Variants in WIPF3 observed in about 807,000 individuals in gnomAD.
The protein encoded by WIPF3 is WAS/WASL-interacting protein family member 3.
Under a neutral mutation model 38.9 loss-of-function variants are expected in WIPF3, and 33 were observed. The observed-to-expected ratio is 0.85, with a 90% confidence interval of 0.64 to 1.14. The LOEUF (loss-of-function observed/expected upper bound fraction) is 1.14. WIPF3 is among the 50% of genes most tolerant of loss of function. The pLI, the probability that WIPF3 is intolerant of heterozygous loss-of-function variation, is 0.00. For synonymous variants in WIPF3, 324 were observed against 269.3 expected, an observed-to-expected ratio of 1.20 and a Z score of -1.99; for missense variants, 711 against 652.5, an observed-to-expected ratio of 1.09 and a Z score of -0.98.
intron 1 of WIPF3, among the ~76,000 whole-genome samples, chr7:29,822,073 T>C (rs923690723): frequency 1.3e-5 from 2 of 151,842 alleles, no homozygotes; most frequent in African/African-American, 4.8e-5. Flanking sequence ...TAATAAATGT[T>C]CTTTACTTAT....
At chr7:29,816,154 T>C (rs541081488) in intron 1 of WIPF3, among the ~76,000 whole-genome samples, 4 of 152,366 alleles carry the variant, frequency 2.6e-5, no homozygotes, top group African/African-American at 9.6e-5. Context: ...TCCTGAACTT[T>C]TGCTTATTAA....
At position 29,889,409 on chromosome 7, in the gene WIPF3, T is replaced by C; in HGVS notation, c.1351+2T>C. 1.2e-6 allele frequency: 2 copies of C among 1,612,332 alleles called. No individual in the cohort carries two copies. Among genetic ancestry groups the C allele is most frequent in the Non-Finnish European group, 1.7e-6 (2 of 1,178,440 alleles). On this transcript the variant is annotated splice_donor_variant, in intron 7 of 8. Transcript: ENST00000242140. LOFTEE classifies it high-confidence loss of function. ...TTTACCCCAGCAAGATCCCCAGAAG[T>C]AAGTACCACCTTGATAAGACTCCTG...
intron 4 of WIPF3, among the ~76,000 whole-genome samples, chr7:29,881,395 A>T (rs189116853): frequency 2.2e-4 from 34 of 152,304 alleles, no homozygotes; most frequent in Admixed American, 2.0e-3. Flanking sequence ...GCATGTGTGA[A>T]TGGTAGTGTG....
chr7:29,830,619 CAAAA>C (rs56261573), intron 1 of WIPF3, among the ~76,000 whole-genome samples: 5 of 100,846 alleles, frequency 5.0e-5, no homozygotes, highest in Non-Finnish European at 6.2e-5. Flanking sequence ...GACTCTGTCT[CAAAA>C]AAAAAAAAAA....
At chr7:29,831,424 A>G (rs4722950) in intron 1 of WIPF3, among the ~76,000 whole-genome samples, 36,368 of 152,126 alleles carry the variant, frequency 0.24, 5,180 homozygotes, top group East Asian at 0.38. Flanking sequence ...CTTTACAGAT[A>G]CACCCAGAAA....
Position 29,884,328 on chromosome 7 carries a change from G to A in WIPF3, c.834G>A (p.Glu278=). ...GTGGGTATCCGGGGCTCAAAGCGGA[G>A]CCCGCCAGCCCTGCGCAAGATGCGC... is the stretch of plus-strand genomic sequence containing the variant. The part of the protein sequence containing the change: ...PPCGYPGLKA[E]PASPAQDAQE... The change falls in exon 5 of 9, where the codon GAG becomes GAA. Residue 278 remains glutamate (E), a synonymous_variant. Transcript: ENST00000242140. 1 of 1,524,068 alleles carries A rather than the reference G, an allele frequency of 6.6e-7. No homozygotes were observed. The highest frequency in any genetic ancestry group is 8.8e-7 in the Non-Finnish European group (1 of 1,135,276). 94.4% of individuals were successfully genotyped at this position (1,524,068 alleles called of 1,614,324 possible). A position where few individuals can be genotyped will look rare whatever the true frequency, so the allele number is the denominator to read the frequency against.
intron 2 of WIPF3, among the ~76,000 whole-genome samples, chr7:29,873,291 A>G (rs933701253): frequency 1.3e-5 from 2 of 152,268 alleles, no homozygotes; most frequent in South Asian, 2.1e-4. Flanking sequence ...GCCTTCCCTA[A>G]GGCTCCTCTG....
intron 1 of WIPF3, among the ~76,000 whole-genome samples, 189 bp from the exon 2 acceptor site, chr7:29,834,479 A>C (rs174931): frequency 0.17 from 25,703 of 152,068 alleles, 2,776 homozygotes; most frequent in South Asian, 0.25. Context: ...GCTTTTGTCA[A>C]TCTCCAGCAC....
At chr7:29,843,522 A>T (rs1732591173) in intron 2 of WIPF3, among the ~76,000 whole-genome samples, 1 of 151,990 alleles carries the variant, frequency 6.6e-6, no homozygotes, top group African/African-American at 2.4e-5. Flanking sequence ...CCAAAGGGTG[A>T]CCCTAGGGTT....
At chr7:29,905,638 A>C (rs937796202) in intron 8 of WIPF3, 3 of 151,806 alleles carry the variant, frequency 2.0e-5, no homozygotes, top group Non-Finnish European at 4.4e-5. Context: ...CAAAAAAAAA[A>C]CCCTGTCCTC....
intron 5 of WIPF3, among the ~76,000 whole-genome samples, chr7:29,887,076 G>T (rs1348749793): frequency 6.6e-6 from 1 of 152,210 alleles, no homozygotes; most frequent in Non-Finnish European, 1.5e-5. Context: ...CGAGGATGGC[G>T]GCTGATGACT....
At chr7:29,886,036 A>G (rs574651642) in intron 5 of WIPF3, among the ~76,000 whole-genome samples, 1 of 152,310 alleles carries the variant, frequency 6.6e-6, no homozygotes, top group East Asian at 1.9e-4. Context: ...GCATGACAAT[A>G]TATTCCATAT....
At chr7:29,846,908 G>A (rs1429517630) in intron 2 of WIPF3, among the ~76,000 whole-genome samples, 1 of 152,182 alleles carries the variant, frequency 6.6e-6, no homozygotes, top group African/African-American at 2.4e-5. Flanking sequence ...CCATTTCCTA[G>A]CCATAGGATG....
At chr7:29,867,288 G>A (rs531251874) in intron 2 of WIPF3, among the ~76,000 whole-genome samples, 1 of 152,172 alleles carries the variant, frequency 6.6e-6, no homozygotes, top group Non-Finnish European at 1.5e-5. Context: ...GAGCCATAGG[G>A]ACCTTTGAGG....
chr7:29,883,680 C>G (rs1444701052), intron 4 of WIPF3, among the ~76,000 whole-genome samples, 170 bp from the exon 5 acceptor site: 1 of 152,160 alleles, frequency 6.6e-6, no homozygotes, highest in Non-Finnish European at 1.5e-5. Context: ...CCAGTTGGTC[C>G]TTCTGGGTGA....
intron 8 of WIPF3, 89 bp downstream of exon 8, chr7:29,904,451 G>A: frequency 7.9e-7 from 1 of 1,267,370 alleles, no homozygotes. Flanking sequence ...CTCCTAAACA[G>A]CTTTATATTT....
intron 2 of WIPF3, among the ~76,000 whole-genome samples, chr7:29,847,084 T>C (rs1436910584): frequency 6.6e-6 from 1 of 152,250 alleles, no homozygotes; most frequent in Non-Finnish European, 1.5e-5. Context: ...AACAGGAGTA[T>C]AGCAGGCATA....
intron 2 of WIPF3, among the ~76,000 whole-genome samples, chr7:29,853,707 T>C (rs1785142038): frequency 1.3e-5 from 2 of 152,204 alleles, no homozygotes; most frequent in South Asian, 4.1e-4. Flanking sequence ...GTTGAGCAAA[T>C]TACTTAAATC....
chr7:29,862,105 C>T (rs1397422084), intron 2 of WIPF3, among the ~76,000 whole-genome samples: 1 of 152,096 alleles, frequency 6.6e-6, no homozygotes, highest in African/African-American at 2.4e-5. Context: ...TCTGGCACTC[C>T]ATGGTGTCCA....
Sources: allele counts gnomAD v4.1 joint callset (sites outside exome capture counted in the v4.1 genomes callset), GRCh38; gene constraint gnomAD v4.1.1; transcripts MANE v1.5; gene names NCBI Gene and HGNC (gene_info 2026-07-23, HGNC 2026-07-21).